The following PLA2G4A variants were observed in gnomAD, a reference collection of about 807,000 sequenced individuals.
The protein encoded by PLA2G4A is phospholipase A2 group IVA, also known as cytosolic phospholipase A2.
In PLA2G4A, 40 loss-of-function variants were observed where a neutral mutation model predicts 81.9. The ratio of observed to expected loss-of-function variants is 0.49; its 90% confidence interval spans 0.38 to 0.64. The LOEUF is 0.64. PLA2G4A is among the 30% of genes least tolerant of loss of function. The pLI, the probability that PLA2G4A is intolerant of heterozygous loss-of-function variation, is 0.00. For synonymous variants in PLA2G4A, 302 were observed against 296.9 expected, an observed-to-expected ratio of 1.02 and a Z score of -0.18; for missense variants, 715 against 905.1, an observed-to-expected ratio of 0.79 and a Z score of 2.69.
chr1:186,843,469 C>G (rs1295071394), intron 1 of PLA2G4A, among the ~76,000 whole-genome samples: 2 of 152,190 alleles, frequency 1.3e-5, no homozygotes, highest in Non-Finnish European at 2.9e-5. Flanking sequence ...AATTATCACT[C>G]CGGGCCCAAC....
chr1:186,870,496 AG>A lies in PLA2G4A; in HGVS notation c.100del (p.Ala34ProfsTer34). The A allele has an allele frequency of 6.2e-7, 1 of 1,610,178 alleles. No individual in the cohort carries two copies. Among genetic ancestry groups the A allele is most frequent in the South Asian group, 1.1e-5 (1 of 90,990 alleles). On this transcript the variant is annotated frameshift_variant, in exon 3 of 18. Coordinates refer to ENST00000367466, the MANE Select transcript of PLA2G4A (RefSeq NM_024420.3). LOFTEE classifies it high-confidence loss of function. Reference sequence around the variant, plus strand: ...GTGTTACGTGCCACCAAAGTGACAAAGGGGGCCTTTGGTGACATGCGTAAGT... The same window carrying A: ...GTGTTACGTGCCACCAAAGTGACAAAGGGGCCTTTGGTGACATGCGTAAGT... ...VVVLRATKVTKGAFGDMLDTP... is the reference protein window; with the variant it reads ...VVVLRATKVTXGAFGDMLDTP...
chr1:186,933,953 G>A (rs2102206606), intron 8 of PLA2G4A, among the ~76,000 whole-genome samples: 2 of 152,192 alleles, frequency 1.3e-5, no homozygotes, highest in African/African-American at 4.8e-5. Context: ...TTTCTTAAAT[G>A]TTTTGAATCA....
At chr1:186,967,372 G>C (rs139901454) in intron 15 of PLA2G4A, among the ~76,000 whole-genome samples, 1 of 140,594 alleles carries the variant, frequency 7.1e-6, no homozygotes, top group East Asian at 1.9e-4. Context: ...TGCTAGTTAA[G>C]AAATGGTGAG....
At chr1:186,913,550 G>C (rs964271158) in intron 7 of PLA2G4A, among the ~76,000 whole-genome samples, 12 of 151,930 alleles carry the variant, frequency 7.9e-5, no homozygotes, top group African/African-American at 2.9e-4. Context: ...TGTTAGTGAC[G>C]TATCAGGTAA....
At chr1:186,933,375 AG>A (rs929733487) in intron 8 of PLA2G4A, among the ~76,000 whole-genome samples, 1 of 152,200 alleles carries the variant, frequency 6.6e-6, no homozygotes, top group African/African-American at 2.4e-5. Context: ...TTTTGAATAT[AG>A]AAATATAATA....
chr1:186,838,963 A>G (rs1651883658), intron 1 of PLA2G4A, among the ~76,000 whole-genome samples: 1 of 152,180 alleles, frequency 6.6e-6, no homozygotes, highest in African/African-American at 2.4e-5. Context: ...TTTCTTTTCC[A>G]ATTCTTACAG....
At chr1:186,947,047 T>G (rs1335063194) in intron 12 of PLA2G4A, 86 bp downstream of exon 12, 1 of 776,186 alleles carries the variant, frequency 1.3e-6, no homozygotes, top group Non-Finnish European at 2.2e-6. Flanking sequence ...ATTAAATCTT[T>G]GTAAATATTT....
chr1:186,914,489 A>G (rs2102163065), intron 7 of PLA2G4A, among the ~76,000 whole-genome samples: 1 of 152,200 alleles, frequency 6.6e-6, no homozygotes, highest in South Asian at 2.1e-4. Flanking sequence ...TCCCTGAGTG[A>G]GTAATTCCTA....
intron 1 of PLA2G4A, among the ~76,000 whole-genome samples, chr1:186,849,251 C>G (rs1009824543): frequency 6.6e-6 from 1 of 152,002 alleles, no homozygotes; most frequent in Non-Finnish European, 1.5e-5. Context: ...GTATTCGGCA[C>G]TAGGGATGTC....
At chr1:186,902,159 G>T (rs1368207132) in intron 5 of PLA2G4A, among the ~76,000 whole-genome samples, 1 of 152,100 alleles carries the variant, frequency 6.6e-6, no homozygotes, top group Non-Finnish European at 1.5e-5. Context: ...ACAATGGTAA[G>T]TATTTGCATA....
At chr1:186,902,618 A>T (rs1654585573) in intron 5 of PLA2G4A, among the ~76,000 whole-genome samples, 1 of 152,184 alleles carries the variant, frequency 6.6e-6, no homozygotes, top group South Asian at 2.1e-4. Flanking sequence ...AAAGAAGTGA[A>T]AATGGCCAGT....
rs539405957 is a variant in PLA2G4A, at chr1:186,978,260, TTTTTG to T, written c.1960+482_1960+486del. 7.4e-4 allele frequency among the ~76,000 whole-genome samples: 112 copies of T among 152,218 alleles called. 1 individual carries two copies. The South Asian group carries it at 9.3e-3, about 13-fold the overall frequency. ...AAGAATCAAGTTTGAGGCATAGTCT[TTTTTG>T]TTTTGTTTTATTTTTTTAACCATAT... is the stretch of plus-strand genomic sequence containing the variant. On this transcript the variant is annotated intron_variant, in intron 16 of 17. Transcript: ENST00000367466.
At chr1:186,872,943 G>A (rs369607455) in intron 3 of PLA2G4A, among the ~76,000 whole-genome samples, 2 of 152,152 alleles carry the variant, frequency 1.3e-5, no homozygotes, top group South Asian at 4.1e-4. Flanking sequence ...GTGGCAGAAA[G>A]GACAGTGTTA....
intron 2 of PLA2G4A, among the ~76,000 whole-genome samples, chr1:186,857,324 A>T (rs1472010554): frequency 4.2e-5 from 5 of 119,436 alleles, no homozygotes; most frequent in Non-Finnish European, 8.2e-5. Flanking sequence ...ATGTAATATA[A>T]TATAAATATA....
intron 17 of PLA2G4A, among the ~76,000 whole-genome samples, chr1:186,984,899 C>T (rs1393382495): frequency 6.6e-6 from 1 of 152,084 alleles, no homozygotes; most frequent in Non-Finnish European, 1.5e-5. Flanking sequence ...CAAGACTAGC[C>T]TATGAGGTGG....
intron 7 of PLA2G4A, among the ~76,000 whole-genome samples, chr1:186,913,986 T>C (rs778425778): frequency 3.9e-5 from 6 of 152,214 alleles, no homozygotes; most frequent in Non-Finnish European, 7.3e-5. Context: ...GAGATGCTGC[T>C]TAAGGGGAAT....
intron 8 of PLA2G4A, among the ~76,000 whole-genome samples, chr1:186,934,637 CCTT>C (rs1655878401): frequency 6.6e-6 from 1 of 151,564 alleles, no homozygotes; most frequent in Non-Finnish European, 1.5e-5. Flanking sequence ...TATTTCATTT[CCTT>C]AAAAGGCTGC....
chr1:186,857,162 A>AAT (rs1652601386), intron 2 of PLA2G4A, among the ~76,000 whole-genome samples: 1 of 1,854 alleles, frequency 5.4e-4, no homozygotes, highest in East Asian at 0.028. Flanking sequence ...TACATAATAT[A>AAT]ATATAATTAT....
chr1:186,888,479 A>C (rs1654017961), intron 3 of PLA2G4A, among the ~76,000 whole-genome samples: 1 of 152,158 alleles, frequency 6.6e-6, no homozygotes, highest in Non-Finnish European at 1.5e-5. Context: ...GATTCAAGTA[A>C]AGATTAAGTC....
Sources: gnomAD v4.1 joint callset for allele counts (sites outside exome capture counted in the v4.1 genomes callset) on GRCh38, gnomAD v4.1.1 for gene constraint, MANE v1.5 for transcripts, NCBI Gene and HGNC (gene_info 2026-07-23, HGNC 2026-07-21) for gene names.